TSPAN5: variants seen among roughly 807,000 people sequenced by gnomAD.
TSPAN5 encodes tetraspanin-5.
A neutral mutation model predicts 37.1 loss-of-function variants in TSPAN5; 10 were observed. The ratio of observed to expected loss-of-function variants is 0.27; its 90% confidence interval spans 0.17 to 0.46. The LOEUF (loss-of-function observed/expected upper bound fraction) is 0.46. Among genes scored for constraint, TSPAN5 ranks in the 20% least tolerant of loss-of-function variants. The probability of loss-of-function intolerance (pLI) is 1.00; values close to 1 mark genes in which losing one functional copy is unlikely to be tolerated. For missense variants in TSPAN5, 195 were observed against 326.6 expected (o/e 0.60, Z 3.11); for synonymous variants, 110 against 118.9 (o/e 0.93, Z 0.48).
intron 2 of TSPAN5, among the ~76,000 whole-genome samples, chr4:98,502,915 C>T (rs572741908): frequency 5.9e-5 from 9 of 151,336 alleles, no homozygotes; most frequent in South Asian, 2.1e-4. Context: ...AATAGAGCAT[C>T]GCAGTGTCTA....
chr4:98,532,452 A>C (rs896063051), intron 1 of TSPAN5, among the ~76,000 whole-genome samples: 1 of 152,200 alleles, frequency 6.6e-6, no homozygotes, highest in African/African-American at 2.4e-5. Flanking sequence ...CTTTGAAGCA[A>C]TTGTGAATGG....
At chr4:98,536,154 C>T (rs986668664) in intron 1 of TSPAN5, among the ~76,000 whole-genome samples, 2 of 152,130 alleles carry the variant, frequency 1.3e-5, no homozygotes, top group African/African-American at 2.4e-5. Context: ...GGTTTCTCCC[C>T]ATCTTTGTGG....
chr4:98,531,883 T>C (rs530808553), intron 1 of TSPAN5, among the ~76,000 whole-genome samples: 2 of 152,354 alleles, frequency 1.3e-5, no homozygotes, highest in South Asian at 4.1e-4. Context: ...TCTGTTCATA[T>C]CCTTTGCCCA....
At chr4:98,632,730 G>A (rs1220597200) in intron 1 of TSPAN5, among the ~76,000 whole-genome samples, 1 of 152,194 alleles carries the variant, frequency 6.6e-6, no homozygotes, top group African/African-American at 2.4e-5. Context: ...ATGCTCTGAA[G>A]GAAAAGTCCT....
intron 1 of TSPAN5, among the ~76,000 whole-genome samples, chr4:98,630,884 T>C (rs1226819455): frequency 6.6e-6 from 1 of 152,190 alleles, no homozygotes; most frequent in East Asian, 1.9e-4. Context: ...GAATGAGAGT[T>C]CACTGGGAAG....
At chr4:98,587,478 A>T (rs1755518171) in intron 1 of TSPAN5, among the ~76,000 whole-genome samples, 1 of 152,148 alleles carries the variant, frequency 6.6e-6, no homozygotes. Flanking sequence ...ATGAAGACTG[A>T]ACATATATTT....
intron 1 of TSPAN5, among the ~76,000 whole-genome samples, chr4:98,557,633 T>C (rs143075395): frequency 6.6e-6 from 1 of 152,238 alleles, no homozygotes; most frequent in Non-Finnish European, 1.5e-5. Context: ...CCATTCCTTA[T>C]GCAAGGGCTG....
chr4:98,611,789 T>A (rs1372742072), intron 1 of TSPAN5, among the ~76,000 whole-genome samples: 9 of 152,084 alleles, frequency 5.9e-5, no homozygotes, highest in African/African-American at 1.9e-4. Flanking sequence ...TCTGAAGGAG[T>A]CAAGAAATGG....
chr4:98,615,036 C>G (rs1024366238), intron 1 of TSPAN5, among the ~76,000 whole-genome samples: 1 of 152,208 alleles, frequency 6.6e-6, no homozygotes, highest in Admixed American at 6.5e-5. Flanking sequence ...TCACAGTCAC[C>G]GTAGCAGAAA....
At chr4:98,638,727 A>C (rs1244037131) in intron 1 of TSPAN5, among the ~76,000 whole-genome samples, 1 of 152,032 alleles carries the variant, frequency 6.6e-6, no homozygotes. Flanking sequence ...ATTTTACCCT[A>C]CTCGCAAGGT....
intron 1 of TSPAN5, among the ~76,000 whole-genome samples, chr4:98,576,445 G>C (rs1473847716): frequency 6.6e-6 from 1 of 152,136 alleles, no homozygotes; most frequent in East Asian, 1.9e-4. Context: ...TTTAAAAAAT[G>C]TCATGGGGCC....
At chr4:98,625,495 T>G in intron 1 of TSPAN5, among the ~76,000 whole-genome samples, 1 of 152,214 alleles carries the variant, frequency 6.6e-6, no homozygotes, top group East Asian at 1.9e-4. Flanking sequence ...AAGATTGACG[T>G]TACTTCACCA....
intron 1 of TSPAN5, among the ~76,000 whole-genome samples, chr4:98,512,040 C>T (rs893770197): frequency 2.0e-5 from 3 of 152,040 alleles, no homozygotes; most frequent in Non-Finnish European, 4.4e-5. Context: ...TGGTAAAACC[C>T]CGTCTCTACT....
At chr4:98,638,375 G>C (rs1756900699) in intron 1 of TSPAN5, among the ~76,000 whole-genome samples, 1 of 152,174 alleles carries the variant, frequency 6.6e-6, no homozygotes, top group South Asian at 2.1e-4. Context: ...GTCTAAGGGA[G>C]CTGAGATGCT....
chr4:98,624,845 G>A (rs577266941), intron 1 of TSPAN5, among the ~76,000 whole-genome samples: 10 of 152,272 alleles, frequency 6.6e-5, no homozygotes, highest in Non-Finnish European at 1.2e-4. Flanking sequence ...TTACATAAGT[G>A]ATGGCAGCCT....
Position 98,652,431 on chromosome 4 carries a change from T to A in TSPAN5, c.81+5715A>T, listed in dbSNP as rs568555529. On this transcript the variant is annotated intron_variant, in intron 1 of 7. Coordinates refer to ENST00000305798, the MANE Select transcript of TSPAN5 (RefSeq NM_005723.4). ...TCTTGAAGAACATTTTCATCCTAAC[T>A]TTTTTGTGCTTGTGGGTGGTGTTAA... Among the ~76,000 whole-genome samples, 3 of 152,328 alleles carry A rather than the reference T, an allele frequency of 2.0e-5. No homozygotes were observed. In the South Asian group the frequency reaches 6.2e-4, roughly 32 times the overall value.
At chr4:98,503,724 T>A (rs1395698353) in intron 2 of TSPAN5, among the ~76,000 whole-genome samples, 8 of 152,236 alleles carry the variant, frequency 5.3e-5, no homozygotes, top group Admixed American at 3.3e-4. Context: ...TACAACTGGA[T>A]AAACTCCATG....
At chr4:98,573,348 C>T (rs1755167533) in intron 1 of TSPAN5, among the ~76,000 whole-genome samples, 1 of 152,188 alleles carries the variant, frequency 6.6e-6, no homozygotes, top group African/African-American at 2.4e-5. Flanking sequence ...ATCTTATAAA[C>T]AGTTCTATCT....
rs570813390 is a variant in TSPAN5, at chr4:98,474,693, A to C, written c.741+1496T>G. The stretch of plus-strand genomic sequence containing the variant: ...TATATATTTTTTTCTTATTTTTTTG[A>C]GACAAGGTCTTGCTCTGTCACCCAG... On this transcript the variant is annotated intron_variant, in intron 7 of 7. Coordinates refer to ENST00000305798, the MANE Select transcript of TSPAN5 (RefSeq NM_005723.4). Among the ~76,000 whole-genome samples the C allele has an allele frequency of 2.6e-5, 4 of 151,968 alleles. No homozygotes were observed. The South Asian group carries it at 8.3e-4, about 32-fold the overall frequency.
Sources: gnomAD v4.1 joint callset for allele counts (sites outside exome capture counted in the v4.1 genomes callset) on GRCh38, gnomAD v4.1.1 for gene constraint, MANE v1.5 for transcripts, NCBI Gene and HGNC (gene_info 2026-07-23, HGNC 2026-07-21) for gene names.